Variants in SDK1 observed in about 807,000 individuals in gnomAD.
SDK1 encodes sidekick cell adhesion molecule 1.
A neutral mutation model predicts 245.5 loss-of-function variants in SDK1; 157 were observed. The ratio of observed to expected loss-of-function variants is 0.64; its 90% CI spans 0.56 to 0.73. SDK1 has a LOEUF of 0.73. SDK1 is among the 30% of genes least tolerant of loss of function. SDK1 has a pLI of 0.00. For synonymous variants in SDK1, 1,647 were observed against 1,278.5 expected (o/e 1.29, Z -6.15); for missense variants, 3,583 against 3,002.3 (o/e 1.19, Z -4.52).
intron 5 of SDK1, among the ~76,000 whole-genome samples, chr7:3,913,451 G>A (rs763334735): frequency 2.0e-5 from 3 of 151,798 alleles, no homozygotes; most frequent in South Asian, 2.1e-4. Flanking sequence ...TCGCCACAAC[G>A]CCCAGCTAAT....
rs574157404 is a variant in SDK1, at chr7:3,736,559, A to G, written c.714-84891A>G. Among the ~76,000 whole-genome samples, 203 of 152,316 alleles carry G rather than the reference A, an allele frequency of 1.3e-3. 1 individual carries two copies. The highest frequency in any genetic ancestry group is 4.7e-3 in the African/African-American group (195 of 41,570). ...AGTGCTGGGATTACAGGCGTGAGCC[A>G]CCATGCCCGGCCACATTAGGGGTTC... On this transcript the variant is annotated intron_variant, in intron 4 of 44. Transcript: ENST00000404826.
In SDK1 at chr7:3,737,655, C is replaced by G. The variant is rs545643413; in HGVS notation, c.714-83795C>G. ...GATTTGGTGCCACCACTGAGATACA[C>G]GAGCTAGTTGCTTTGAGCCCCATCC... On this transcript the variant is annotated intron_variant, in intron 4 of 44. Transcript: ENST00000404826. Among the ~76,000 whole-genome samples the G allele has an allele frequency of 1.5e-3, 233 of 152,332 alleles. 1 individual carries two copies. The highest frequency in any genetic ancestry group is 3.6e-3 in the African/African-American group (149 of 41,586).
chr7:3,334,756 C>T (rs1562421430), intron 1 of SDK1, among the ~76,000 whole-genome samples: 1 of 152,166 alleles, frequency 6.6e-6, no homozygotes, highest in Non-Finnish European at 1.5e-5. Flanking sequence ...TGGACAATCT[C>T]CTTAGTTTAT....
chr7:3,649,866 A>C (rs1782954506), intron 4 of SDK1, among the ~76,000 whole-genome samples: 1 of 152,018 alleles, frequency 6.6e-6, no homozygotes, highest in South Asian at 2.1e-4. Context: ...TGAGTGTTCT[A>C]GGCACAGAGG....
At chr7:4,186,589 G>T (rs112489276) in intron 35 of SDK1, among the ~76,000 whole-genome samples, 1 of 152,252 alleles carries the variant, frequency 6.6e-6, no homozygotes, top group East Asian at 1.9e-4. Context: ...TAGGTCACTC[G>T]GCGGTCCTGG....
intron 4 of SDK1, among the ~76,000 whole-genome samples, chr7:3,727,982 CGTTCTTGATGATCTTGACA>C (rs1244866640): frequency 1.6e-4 from 25 of 152,258 alleles, no homozygotes; most frequent in Middle Eastern, 3.4e-3. Flanking sequence ...CAACTTTGCT[CGTTCTTGATGATCTTGACA>C]GTTTGAAGGG....
At chr7:3,429,581 A>C (rs1180953067) in intron 1 of SDK1, among the ~76,000 whole-genome samples, 2 of 150,040 alleles carry the variant, frequency 1.3e-5, no homozygotes, top group East Asian at 3.9e-4. Flanking sequence ...TTTGATACCC[A>C]GTCCACACTG....
chr7:3,870,109 A>T (rs1780920421), intron 5 of SDK1, among the ~76,000 whole-genome samples: 1 of 152,232 alleles, frequency 6.6e-6, no homozygotes, highest in East Asian at 1.9e-4. Context: ...ATCATTCTTT[A>T]ATACAAAGCC....
At position 3,335,710 on chromosome 7, in the gene SDK1, A is replaced by C. The variant is rs1229177661; in HGVS notation, c.298+33826A>C. Among the ~76,000 whole-genome samples the C allele has an allele frequency of 2.6e-5, 4 of 152,190 alleles. No homozygotes were observed. In the South Asian group the frequency reaches 6.2e-4, roughly 24 times the overall value. ...AGCACTAGAACTTTCAAATTCACAG[A>C]AGCAAAAATGAAATGAATAGTAATC... On this transcript the variant is annotated intron_variant, in intron 1 of 44. Coordinates refer to ENST00000404826, the MANE Select transcript of SDK1 (RefSeq NM_152744.4).
intron 35 of SDK1, among the ~76,000 whole-genome samples, chr7:4,179,423 C>CG (rs952002220): frequency 8.0e-5 from 12 of 150,702 alleles, no homozygotes; most frequent in African/African-American, 2.9e-4. Flanking sequence ...GCTCGGACTG[C>CG]GGGGGCCAGA....
intron 35 of SDK1, among the ~76,000 whole-genome samples, chr7:4,181,588 C>A (rs1400651855): frequency 3.3e-5 from 5 of 152,180 alleles, no homozygotes; most frequent in Non-Finnish European, 7.3e-5. Flanking sequence ...TCCAGCCCTC[C>A]TTTCCAGAGG....
intron 40 of SDK1, chr7:4,227,311 TGTC>T (rs1458371455): frequency 6.5e-6 from 3 of 464,428 alleles, no homozygotes; most frequent in Non-Finnish European, 1.3e-5. Flanking sequence ...TCTGACAGCT[TGTC>T]AGCCCGGCTT....
chr7:4,195,116 T>C (rs1783501946), intron 35 of SDK1, among the ~76,000 whole-genome samples: 1 of 152,220 alleles, frequency 6.6e-6, no homozygotes, highest in African/African-American at 2.4e-5. Context: ...CGTATACATT[T>C]ATGGAGCACA....
intron 20 of SDK1, among the ~76,000 whole-genome samples, chr7:4,073,658 G>A (rs1025471554): frequency 6.6e-6 from 1 of 152,184 alleles, no homozygotes; most frequent in Admixed American, 6.5e-5. Flanking sequence ...AAATTATTTA[G>A]CGATTGACCA....
chr7:3,358,136 G>A (rs984459032), intron 1 of SDK1, among the ~76,000 whole-genome samples: 12 of 151,966 alleles, frequency 7.9e-5, no homozygotes, highest in South Asian at 4.2e-4. Flanking sequence ...ATTCTCCTGC[G>A]TCAGCTTCCT....
intron 1 of SDK1, among the ~76,000 whole-genome samples, chr7:3,595,488 CAT>C (rs1562589777): frequency 6.6e-6 from 1 of 152,028 alleles, no homozygotes; most frequent in Non-Finnish European, 1.5e-5. Context: ...GAAACAGAAA[CAT>C]AAACTGTTGC....
chr7:3,913,341 T>G (rs1452707811), intron 5 of SDK1, among the ~76,000 whole-genome samples: 2 of 150,450 alleles, frequency 1.3e-5, no homozygotes, highest in East Asian at 3.9e-4. Context: ...TCACCCAGGC[T>G]GGAGTGCAGT....
At chr7:4,092,294 C>T (rs575885314) in intron 22 of SDK1, among the ~76,000 whole-genome samples, 2 of 152,308 alleles carry the variant, frequency 1.3e-5, no homozygotes. Flanking sequence ...GTCCCAGCCT[C>T]CCTCTGTGCT....
intron 5 of SDK1, among the ~76,000 whole-genome samples, chr7:3,850,181 G>T (rs948250579): frequency 1.3e-5 from 2 of 152,270 alleles, no homozygotes; most frequent in African/African-American, 4.8e-5. Context: ...TTCGAGTCTG[G>T]CCCTGCCACT....
Sources: gnomAD v4.1 joint callset for allele counts (sites outside exome capture counted in the v4.1 genomes callset) on GRCh38, gnomAD v4.1.1 for gene constraint, MANE v1.5 for transcripts, NCBI Gene and HGNC (gene_info 2026-07-23, HGNC 2026-07-21) for gene names.